RIMS2: variants seen among roughly 807,000 people sequenced by gnomAD.
RIMS2 encodes regulating synaptic membrane exocytosis 2, also known as regulating synaptic membrane exocytosis protein 2.
A neutral mutation model predicts 174.4 loss-of-function variants in RIMS2; 59 were observed. The ratio of observed to expected loss-of-function variants is 0.34; its 90% CI spans 0.27 to 0.42. The LOEUF is 0.42. Ranked by LOEUF, RIMS2 falls within the 10% of genes least tolerant of loss-of-function variation. The pLI, the probability that RIMS2 is intolerant of heterozygous loss-of-function variation, is 1.00. For missense variants in RIMS2, 1,620 were observed against 1,666.3 expected (o/e 0.97, Z 0.48); for synonymous variants, 606 against 572.5 (o/e 1.06, Z -0.84).
chr8:103,556,522 G>A (rs1251203460), intron 1 of RIMS2, among the ~76,000 whole-genome samples: 2 of 152,032 alleles, frequency 1.3e-5, no homozygotes, highest in African/African-American at 4.8e-5. Context: ...AATAAGTTAG[G>A]TGACATTCAG....
intron 1 of RIMS2, among the ~76,000 whole-genome samples, chr8:103,564,494 A>G (rs1482846464): frequency 1.3e-5 from 2 of 152,174 alleles, no homozygotes; most frequent in Non-Finnish European, 2.9e-5. Flanking sequence ...TCTGAGTCCC[A>G]AAACCTCAAA....
At chr8:103,572,725 G>A (rs1475140248) in intron 1 of RIMS2, among the ~76,000 whole-genome samples, 1 of 151,884 alleles carries the variant, frequency 6.6e-6, no homozygotes, top group East Asian at 1.9e-4. Flanking sequence ...ATCTGTTTAT[G>A]CTCTTTGCCA....
intron 12 of RIMS2, among the ~76,000 whole-genome samples, chr8:103,931,773 A>G (rs1161604308): frequency 6.6e-6 from 1 of 152,044 alleles, no homozygotes; most frequent in Non-Finnish European, 1.5e-5. Flanking sequence ...TAAAAATACT[A>G]CTAAAAAGTA....
intron 13 of RIMS2, among the ~76,000 whole-genome samples, chr8:103,940,994 C>T (rs1296963547): frequency 6.6e-6 from 1 of 152,090 alleles, no homozygotes; most frequent in African/African-American, 2.4e-5. Flanking sequence ...GGCACTACCA[C>T]TTCTTAGCCT....
At chr8:103,766,785 C>A (rs373861726) in intron 3 of RIMS2, among the ~76,000 whole-genome samples, 137 of 152,214 alleles carry the variant, frequency 9.0e-4, no homozygotes, top group African/African-American at 3.2e-3. Context: ...TGAAATAAAA[C>A]AGGGAACTTA....
At chr8:104,123,941 T>G (rs1202387461) in intron 19 of RIMS2, among the ~76,000 whole-genome samples, 2 of 152,170 alleles carry the variant, frequency 1.3e-5, no homozygotes, top group Non-Finnish European at 2.9e-5. Context: ...GTCTGCCATG[T>G]GCAATAAAGC....
intron 19 of RIMS2, among the ~76,000 whole-genome samples, chr8:104,071,907 T>C (rs975400497): frequency 6.6e-6 from 1 of 152,162 alleles, no homozygotes; most frequent in African/African-American, 2.4e-5. Flanking sequence ...TTCAAGAAAA[T>C]GGAGACATTT....
At chr8:103,772,552 G>T (rs2098265636) in intron 3 of RIMS2, among the ~76,000 whole-genome samples, 1 of 152,054 alleles carries the variant, frequency 6.6e-6, no homozygotes, top group Non-Finnish European at 1.5e-5. Context: ...TGTGTACAGG[G>T]ATCATACAAC....
intron 19 of RIMS2, among the ~76,000 whole-genome samples, chr8:104,150,966 T>C (rs1195105511): frequency 6.6e-6 from 1 of 152,174 alleles, no homozygotes; most frequent in Non-Finnish European, 1.5e-5. Context: ...GGAGCTTATA[T>C]TCTAGTGGGG....
At chr8:103,791,215 C>T (rs754988508) in intron 3 of RIMS2, among the ~76,000 whole-genome samples, 3 of 152,168 alleles carry the variant, frequency 2.0e-5, no homozygotes, top group Non-Finnish European at 2.9e-5. Context: ...AGATTAACAG[C>T]AGATCTCTTT....
intron 19 of RIMS2, among the ~76,000 whole-genome samples, chr8:104,186,294 G>A (rs1446141002): frequency 6.6e-6 from 1 of 151,584 alleles, no homozygotes; most frequent in African/African-American, 2.4e-5. Flanking sequence ...TTATTTGGGT[G>A]ATGAATACCC....
intron 13 of RIMS2, among the ~76,000 whole-genome samples, chr8:103,942,338 T>C (rs1207277442): frequency 6.6e-6 from 1 of 152,210 alleles, no homozygotes; most frequent in African/African-American, 2.4e-5. Context: ...TTCTTTTTTA[T>C]GGCTGCTTAG....
chr8:103,962,705 C>T (rs1376719040), intron 15 of RIMS2, among the ~76,000 whole-genome samples: 8 of 152,050 alleles, frequency 5.3e-5, no homozygotes, highest in Non-Finnish European at 1.2e-4. Context: ...CTCACTGCAT[C>T]CTCAACTTCC....
intron 1 of RIMS2, among the ~76,000 whole-genome samples, chr8:103,558,381 G>T (rs535593693): frequency 6.6e-6 from 1 of 151,958 alleles, no homozygotes; most frequent in South Asian, 2.1e-4. Flanking sequence ...ACACCACCAC[G>T]CCTGGCTAAT....
intron 1 of RIMS2, among the ~76,000 whole-genome samples, chr8:103,675,181 G>A (rs568998947): frequency 7.2e-5 from 11 of 152,192 alleles, no homozygotes; most frequent in African/African-American, 2.2e-4. Context: ...CAAAGTGCTA[G>A]GATTACAGAC....
intron 19 of RIMS2, among the ~76,000 whole-genome samples, chr8:104,199,697 C>CAGTA (rs1313305240): frequency 1.3e-5 from 2 of 152,116 alleles, no homozygotes; most frequent in African/African-American, 4.8e-5. Flanking sequence ...GAAGGACAGA[C>CAGTA]AGTATATCAA....
At chr8:103,549,921 C>G (rs1425604220) in intron 1 of RIMS2, among the ~76,000 whole-genome samples, 1 of 151,540 alleles carries the variant, frequency 6.6e-6, no homozygotes, top group Non-Finnish European at 1.5e-5. Flanking sequence ...GAAGAGCTAA[C>G]TATCCTAAAT....
chr8:104,187,036 A>G (rs1157151128), intron 19 of RIMS2, among the ~76,000 whole-genome samples: 1 of 151,812 alleles, frequency 6.6e-6, no homozygotes, highest in Non-Finnish European at 1.5e-5. Flanking sequence ...GTACTGACAG[A>G]CTGAGAAATG....
intron 19 of RIMS2, among the ~76,000 whole-genome samples, chr8:104,061,231 C>G (rs2096981621): frequency 6.6e-6 from 1 of 152,128 alleles, no homozygotes; most frequent in South Asian, 2.1e-4. Flanking sequence ...TCACTCAGGA[C>G]TTGCTTTATG....
Sources: gnomAD v4.1 joint callset for allele counts (sites outside exome capture counted in the v4.1 genomes callset) on GRCh38, gnomAD v4.1.1 for gene constraint, MANE v1.5 for transcripts, NCBI Gene and HGNC (gene_info 2026-07-23, HGNC 2026-07-21) for gene names.